Variants in ITGA8 observed in about 807,000 individuals in gnomAD.
The protein encoded by ITGA8 is integrin alpha-8.
A neutral mutation model predicts 142.3 loss-of-function variants in ITGA8; 91 were observed. The observed-to-expected ratio is 0.64, with a 90% CI of 0.54 to 0.76. The LOEUF (loss-of-function observed/expected upper bound fraction) is 0.76, where lower values mean the gene tolerates loss of function less well. Among genes scored for constraint, ITGA8 ranks in the 30% least tolerant of loss-of-function variants. The pLI is 0.00. For synonymous variants in ITGA8, 505 were observed against 485.2 expected (o/e 1.04, Z -0.54); for missense variants, 1,406 against 1,327.7 (o/e 1.06, Z -0.92).
chr10:15,604,032 C>G (rs1273700570), intron 20 of ITGA8, among the ~76,000 whole-genome samples, 176 bp downstream of exon 20: 1 of 152,154 alleles, frequency 6.6e-6, no homozygotes, highest in Non-Finnish European at 1.5e-5. Flanking sequence ...GACATTAATA[C>G]TGTGTAAGCC....
chr10:15,675,491 C>T (rs1041218681), intron 6 of ITGA8, among the ~76,000 whole-genome samples: 1 of 152,190 alleles, frequency 6.6e-6, no homozygotes. Flanking sequence ...GTACCACCAT[C>T]GCTCTAAGAA....
intron 2 of ITGA8, among the ~76,000 whole-genome samples, chr10:15,704,945 T>C (rs1384769299): frequency 6.6e-6 from 1 of 152,162 alleles, no homozygotes; most frequent in African/African-American, 2.4e-5. Context: ...AAAGATATAG[T>C]AAAGGGTCCC....
At chr10:15,592,089 G>T in intron 22 of ITGA8, 136 bp downstream of exon 22, 1 of 558,824 alleles carries the variant, frequency 1.8e-6, no homozygotes, top group South Asian at 3.0e-5. Flanking sequence ...AAACAAAGAA[G>T]AAATGGGCTG....
intron 8 of ITGA8, among the ~76,000 whole-genome samples, chr10:15,669,952 CAG>C (rs1301840029): frequency 3.9e-5 from 6 of 152,178 alleles, no homozygotes; most frequent in Admixed American, 2.0e-4. Flanking sequence ...TTAGGCTACT[CAG>C]GGGTCAGGGA....
Position 15,607,784 on chromosome 10 carries a change from T to C in ITGA8, c.1657A>G (p.Ile553Val). Residue 553 changes from isoleucine to valine, a missense_variant, in exon 17 of 30, where the codon ATT (isoleucine) becomes GTT (valine). By Grantham distance (29) the Ile-to-Val change is conservative. Transcript: ENST00000378076. ...TTATCAAGGAAGAGCGTCCGTTTAA[T>C]AGCTCCTTTCTGTTTCAGGGAATCT... Reference protein sequence around the residue: ...QLDSLKQKGAIKRTLFLDNHQ... With the variant: ...QLDSLKQKGAVKRTLFLDNHQ... 1 of 1,612,308 alleles carries C rather than the reference T, an allele frequency of 6.2e-7. No homozygotes were observed. Among genetic ancestry groups the C allele is most frequent in the Non-Finnish European group, 8.5e-7 (1 of 1,178,990 alleles).
intron 14 of ITGA8, among the ~76,000 whole-genome samples, chr10:15,616,262 T>C (rs1833389270): frequency 6.6e-6 from 1 of 152,244 alleles, no homozygotes; most frequent in Non-Finnish European, 1.5e-5. Flanking sequence ...AAGTGGGTCA[T>C]TTTATAAGAT....
intron 25 of ITGA8, among the ~76,000 whole-genome samples, chr10:15,565,934 G>C (rs1199720892): frequency 6.6e-6 from 1 of 152,024 alleles, no homozygotes; most frequent in East Asian, 1.9e-4. Flanking sequence ...GCGCACGCGT[G>C]AGTGAGAGAC....
intron 12 of ITGA8, among the ~76,000 whole-genome samples, chr10:15,644,423 A>T: frequency 8.3e-6 from 1 of 120,128 alleles, no homozygotes; most frequent in African/African-American, 3.1e-5. Flanking sequence ...GCATACCACC[A>T]TGTCAGGCTA....
At chr10:15,540,048 C>T (rs1254368142) in intron 27 of ITGA8, among the ~76,000 whole-genome samples, 1 of 152,086 alleles carries the variant, frequency 6.6e-6, no homozygotes, top group Non-Finnish European at 1.5e-5. Flanking sequence ...TGAGGCCTCC[C>T]CAGCCATGTG....
chr10:15,583,648 C>T (rs564619400), intron 23 of ITGA8, among the ~76,000 whole-genome samples: 23 of 151,908 alleles, frequency 1.5e-4, no homozygotes, highest in Non-Finnish European at 2.2e-4. Flanking sequence ...TAGATCATTC[C>T]GGAAAAAGGC....
At chr10:15,719,102 G>C (rs1462950856) in intron 1 of ITGA8, among the ~76,000 whole-genome samples, 1 of 152,192 alleles carries the variant, frequency 6.6e-6, no homozygotes, top group Non-Finnish European at 1.5e-5. Flanking sequence ...AAACGGTCCT[G>C]CTTCTCTAGG....
At chr10:15,707,543 C>G (rs371797887) in intron 2 of ITGA8, among the ~76,000 whole-genome samples, 1 of 152,116 alleles carries the variant, frequency 6.6e-6, no homozygotes, top group Non-Finnish European at 1.5e-5. Flanking sequence ...ATAATCAAGG[C>G]TAGGTGCAGT....
intron 11 of ITGA8, among the ~76,000 whole-genome samples, chr10:15,653,678 G>T (rs1163366786): frequency 2.6e-5 from 4 of 152,070 alleles, no homozygotes; most frequent in Admixed American, 2.0e-4. Flanking sequence ...CAGAACCCCT[G>T]GGAAACACTG....
intron 28 of ITGA8, among the ~76,000 whole-genome samples, chr10:15,525,373 T>C (rs1405055179): frequency 6.6e-6 from 1 of 152,044 alleles, no homozygotes; most frequent in Non-Finnish European, 1.5e-5. Context: ...CCAGGCACGG[T>C]GGCTCACATC....
At chr10:15,666,125 A>C (rs1388999884) in intron 8 of ITGA8, among the ~76,000 whole-genome samples, 8 of 152,150 alleles carry the variant, frequency 5.3e-5, no homozygotes, top group South Asian at 4.2e-4. Context: ...GCCATTTTCA[A>C]AATATTGATT....
intron 24 of ITGA8, among the ~76,000 whole-genome samples, chr10:15,574,693 T>TTA (rs1390110688): frequency 7.2e-6 from 1 of 138,096 alleles, no homozygotes; most frequent in Non-Finnish European, 1.6e-5. Context: ...CCGGGCGCTT[T>TTA]TATATATATG....
chr10:15,580,082 C>G (rs969072027), intron 23 of ITGA8, among the ~76,000 whole-genome samples: 3 of 132,446 alleles, frequency 2.3e-5, no homozygotes, highest in African/African-American at 8.4e-5. Context: ...AAAGCAGATT[C>G]TTTGAAAAGA....
chr10:15,524,301 G>A (rs911364374), intron 28 of ITGA8, among the ~76,000 whole-genome samples: 2 of 152,126 alleles, frequency 1.3e-5, no homozygotes, highest in Non-Finnish European at 2.9e-5. Flanking sequence ...CAACAACAGC[G>A]ACCCAGAGCA....
chr10:15,694,586 T>C (rs2131718340), intron 2 of ITGA8, among the ~76,000 whole-genome samples: 1 of 138,256 alleles, frequency 7.2e-6, no homozygotes, highest in South Asian at 2.2e-4. Flanking sequence ...ATATAAAATA[T>C]ATAAAATGGA....
Sources: gnomAD v4.1 joint callset for allele counts (sites outside exome capture counted in the v4.1 genomes callset) on GRCh38, gnomAD v4.1.1 for gene constraint, MANE v1.5 for transcripts, NCBI Gene and HGNC (gene_info 2026-07-23, HGNC 2026-07-21) for gene names.